Variants in PTPRN observed in about 807,000 individuals in gnomAD.
PTPRN encodes the protein protein tyrosine phosphatase receptor type N.
Under a neutral mutation model 108.5 loss-of-function variants are expected in PTPRN, and 70 were observed. The ratio of observed to expected loss-of-function variants is 0.65; its 90% CI spans 0.53 to 0.79. The LOEUF (loss-of-function observed/expected upper bound fraction) is 0.79, where lower values mean the gene tolerates loss of function less well. Among genes scored for constraint, PTPRN ranks in the 30% least tolerant of loss-of-function variants. The pLI is 0.00. For synonymous variants in PTPRN, 496 were observed against 524.6 expected, an observed-to-expected ratio of 0.95 and a Z score of 0.75; for missense variants, 1,136 against 1,295.5, an observed-to-expected ratio of 0.88 and a Z score of 1.89.
Position 219,308,268 on chromosome 2 carries a change from GC to G in PTPRN, c.116-427del, listed in dbSNP as rs1173997401. ...TCGGGGGAAAGAGGGCATGGGTGGG[GC>G]TGGGGAGGGTGTCTCTTAGGCATCT... On this transcript the variant is annotated intron_variant, in intron 1 of 22. Coordinates refer to ENST00000295718, the MANE Select transcript of PTPRN (RefSeq NM_002846.4). 3 of 187,764 alleles carry G rather than the reference GC, an allele frequency of 1.6e-5. No individual in the cohort carries two copies. In the South Asian group the frequency reaches 3.0e-4, roughly 19 times the overall value. 11.6% of individuals were successfully genotyped at this position (187,764 alleles called of 1,614,324 possible).
intron 1 of PTPRN, 45 bp from the exon 2 acceptor site, chr2:219,307,887 A>C: frequency 6.3e-7 from 1 of 1,581,962 alleles, no homozygotes; most frequent in Non-Finnish European, 8.7e-7. Flanking sequence ...CCACTCACAG[A>C]GAATGGGCAG....
At chr2:219,306,522 C>T (rs1952487739) in intron 3 of PTPRN, among the ~76,000 whole-genome samples, 1 of 152,214 alleles carries the variant, frequency 6.6e-6, no homozygotes, top group South Asian at 2.1e-4. Flanking sequence ...TGATGCTTGT[C>T]AAGTGTAAGT....
In PTPRN at chr2:219,296,205, T is replaced by G. The variant is rs543480252; in HGVS notation, c.2508+21A>C. On this transcript the variant is annotated intron_variant, in intron 18 of 22. Coordinates refer to ENST00000295718, the MANE Select transcript of PTPRN (RefSeq NM_002846.4). This position sits in a 1 kb window ranked among gnomAD's most constrained non-coding sequence, Gnocchi z 6.0. ...TACTCTTCCCACATCCATTGTCCCC[T>G]TGCTGTGGGGCCCTGCTGACCTCAT... 6.2e-7 allele frequency: 1 copy of G among 1,613,688 alleles called. No individual in the cohort carries two copies. The highest frequency in any genetic ancestry group is 2.2e-5 in the East Asian group (1 of 44,868).
intron 18 of PTPRN, chr2:219,295,922 G>T (rs6436132): frequency 0.31 from 87,694 of 282,370 alleles, 17,745 homozygotes; most frequent in African/African-American, 0.57. Context: ...TTTATAGTTT[G>T]ATCTCTGTGC....
Position 219,296,774 on chromosome 2 carries a change from C to A in PTPRN, c.2285G>T (p.Ser762Ile). 6.2e-7 allele frequency: 1 copy of A among 1,614,038 alleles called. No individual in the cohort carries two copies. The highest frequency in any genetic ancestry group is 1.1e-5 in the South Asian group (1 of 91,072). ...KLKVESSPSR[S>I]DYINASPIIE... ...AATGGGGCTGGCGTTGATGTAATCGCTCCGAGAAGGGCTGCTCTCCACCTT... is the reference window on the plus strand; with the variant it reads ...AATGGGGCTGGCGTTGATGTAATCGATCCGAGAAGGGCTGCTCTCCACCTT... The change falls in exon 16 of 23, where the codon AGC becomes ATC. Residue 762 changes from serine (S) to isoleucine (I), a missense_variant. Coordinates refer to ENST00000295718, the MANE Select transcript of PTPRN (RefSeq NM_002846.4). This position sits in a 1 kb window ranked among gnomAD's most constrained non-coding sequence, Gnocchi z 6.0.
chr2:219,302,379 C>A lies in PTPRN; in HGVS notation c.752G>T (p.Gly251Val). The change falls in exon 6 of 23, where the codon GGC becomes GTC. Residue 251 changes from glycine to valine, a missense_variant. By Grantham distance (109) the Gly-to-Val change is moderately radical. Transcript: ENST00000295718. ...PALFSRTASK[G>V]IFGDHPGHSY... ...GTGGCCAGGGTGGTCCCCAAATATGCCCTTGGAGGCAGTTCTGCTGAAGAG... is the reference window on the plus strand; with the variant it reads ...GTGGCCAGGGTGGTCCCCAAATATGACCTTGGAGGCAGTTCTGCTGAAGAG... 2 of 1,613,974 alleles carry A rather than the reference C, an allele frequency of 1.2e-6. No individual in the cohort carries two copies. The highest frequency in any genetic ancestry group is 8.5e-7 in the Non-Finnish European group (1 of 1,179,898).
At position 219,309,390 on chromosome 2, in the gene PTPRN, C is replaced by T. The variant is rs1952572023; in HGVS notation, c.-58G>A. On this transcript the variant is annotated 5_prime_UTR_variant, in exon 1 of 23. Transcript: ENST00000295718. The stretch of plus-strand genomic sequence containing the variant: ...GGAGCCGCAGCGACGCTGGCGGGAG[C>T]CTGCCAGAGGGGCTGAGGCGGGGCT... The T allele has an allele frequency of 1.1e-6, 1 of 949,160 alleles. No individual in the cohort carries two copies. Among genetic ancestry groups the T allele is most frequent in the Non-Finnish European group, 1.5e-6 (1 of 678,360 alleles). 58.8% of individuals were successfully genotyped at this position (949,160 alleles called of 1,614,324 possible).
chr2:219,309,369 C>G lies in PTPRN; in HGVS notation c.-37G>C, dbSNP rs1355593327. ...CCGGGCGCTCGCTCCCGGGCCGGAG[C>G]CGCAGCGACGCTGGCGGGAGCCTGC... On this transcript the variant is annotated 5_prime_UTR_variant, in exon 1 of 23. Coordinates refer to ENST00000295718, the MANE Select transcript of PTPRN (RefSeq NM_002846.4). 8.7e-7 allele frequency: 1 copy of G among 1,148,932 alleles called. No individual in the cohort carries two copies. Among genetic ancestry groups the G allele is most frequent in the Non-Finnish European group, 1.2e-6 (1 of 856,024 alleles). 71.2% of individuals were successfully genotyped at this position (1,148,932 alleles called of 1,614,324 possible).
intron 3 of PTPRN, among the ~76,000 whole-genome samples, chr2:219,306,660 G>C (rs1447527798): frequency 6.6e-6 from 1 of 151,992 alleles, no homozygotes; most frequent in East Asian, 1.9e-4. Context: ...TTACCTACCT[G>C]ACCTCACCTT....
At chr2:219,308,922 C>T (rs933634363) in intron 1 of PTPRN, 7 of 1,401,278 alleles carry the variant, frequency 5.0e-6, no homozygotes, top group Middle Eastern at 1.9e-4. Context: ...CCTGTGGTCT[C>T]GCAGCCGGTC....
At position 219,290,025 on chromosome 2, in the gene PTPRN, C is replaced by G. The variant is rs968484807; in HGVS notation, c.*201G>C. 3.3e-6 allele frequency: 2 copies of G among 599,444 alleles called. No individual in the cohort carries two copies. Among genetic ancestry groups the G allele is most frequent in the Non-Finnish European group, 6.0e-6 (2 of 330,808 alleles). The allele number at this position is 599,444 out of a possible 1,614,324, so 37.1% of individuals were successfully genotyped here. On this transcript the variant is annotated 3_prime_UTR_variant, in exon 23 of 23. Transcript: ENST00000295718. This position sits in a 1 kb window ranked among gnomAD's most constrained non-coding sequence, Gnocchi z 4.2. ...GGCTGCAGCACCCCCATGGGATGCC[C>G]TGGGCTCTGGGATGCCCCAGGCTCT...
Position 219,291,517 on chromosome 2 carries a change from C to T in PTPRN, c.2682G>A (p.Val894=). 1 of 1,613,958 alleles carries T rather than the reference C, an allele frequency of 6.2e-7. No individual in the cohort carries two copies. Among genetic ancestry groups the T allele is most frequent in the Non-Finnish European group, 8.5e-7 (1 of 1,179,988 alleles). ...AGGAGCGGCCCCGGTAGCACTTGTT[C>T]ACCTTCCTGCAACAAGAAATGGGTG... ...TRPLLDFRRK[V]NKCYRGRSCP... Residue 894 remains valine (V), a synonymous_variant, in exon 20 of 23, where the codon GTG becomes GTA. Transcript: ENST00000295718.
Position 219,296,453 on chromosome 2 carries a change from C to T in PTPRN, c.2374G>A (p.Ala792Thr), listed in dbSNP as rs1367930737. 1.1e-5 allele frequency: 18 copies of T among 1,614,034 alleles called. No homozygotes were observed. The highest frequency in any genetic ancestry group is 5.0e-5 in the Admixed American group (3 of 60,004). ...TAAGAGCCCACCTGCCAGAAGTCTG[C>T]GATGGTATGGGACAGCGGGCCCTGC... ...ATQGPLSHTI[A>T]DFWQMVWESG... Residue 792 changes from alanine to threonine, a missense_variant, in exon 17 of 23, where the codon GCA becomes ACA. Ala to Thr is a moderately conservative substitution (Grantham distance 58). Coordinates refer to ENST00000295718, the MANE Select transcript of PTPRN (RefSeq NM_002846.4). This position sits in a 1 kb window ranked among gnomAD's most constrained non-coding sequence, Gnocchi z 6.0.
At position 219,294,910 on chromosome 2, in the gene PTPRN, G is replaced by A. The variant is rs1439441531; in HGVS notation, c.2675+65C>T. Reference sequence around the variant, plus strand: ...CCCGACCCGGGGCTCCAGGCCGAGCGGCGGGCGGACCCCGGCTCCGCCCCC... The same window carrying A: ...CCCGACCCGGGGCTCCAGGCCGAGCAGCGGGCGGACCCCGGCTCCGCCCCC... On this transcript the variant is annotated intron_variant, in intron 19 of 22. Transcript: ENST00000295718. 22 of 1,363,420 alleles carry A rather than the reference G, an allele frequency of 1.6e-5. No homozygotes were observed. In the Admixed American group the frequency reaches 3.1e-4, roughly 19 times the overall value. The allele number at this position is 1,363,420 out of a possible 1,614,324, so 84.5% of individuals were successfully genotyped here. A position where few individuals can be genotyped will look rare whatever the true frequency, so the allele number is the denominator to read the frequency against.
chr2:219,301,524 G>C lies in PTPRN; in HGVS notation c.1126+64C>G, dbSNP rs541062996. On this transcript the variant is annotated intron_variant, in intron 7 of 22. Transcript: ENST00000295718. ...TCCAGGCTACTCCAAGTGGTCTCGAGGCAGGGCAAGAGGCCTCCATGGAGC... is the reference window on the plus strand; with the variant it reads ...TCCAGGCTACTCCAAGTGGTCTCGACGCAGGGCAAGAGGCCTCCATGGAGC... 26 of 1,554,256 alleles carry C rather than the reference G, an allele frequency of 1.7e-5. No homozygotes were observed. In the Admixed American group the frequency reaches 4.3e-4, roughly 26 times the overall value.
chr2:219,307,182 T>A (rs1162037783), intron 3 of PTPRN: 5 of 385,452 alleles, frequency 1.3e-5, no homozygotes, highest in African/African-American at 1.0e-4. Flanking sequence ...ACTCAGACAA[T>A]GCCAGTGAGA....
Position 219,303,660 on chromosome 2 carries a change from T to A in PTPRN, c.377+75A>T, listed in dbSNP as rs1345241881. ...GGCCTTGGTGCCCACTTCCTTCCCC[T>A]TCTCTCCATCAATTAGGACAACCAC... On this transcript the variant is annotated intron_variant, in intron 4 of 22. Transcript: ENST00000295718. 5.6e-6 allele frequency: 8 copies of A among 1,422,356 alleles called. No homozygotes were observed. The East Asian group carries it at 1.9e-4, about 33-fold the overall frequency. The allele number at this position is 1,422,356 out of a possible 1,614,324, so 88.1% of individuals were successfully genotyped here. A position where few individuals can be genotyped will look rare whatever the true frequency, so the allele number is the denominator to read the frequency against.
In PTPRN at chr2:219,299,764, C is replaced by T. The variant is rs767355918; in HGVS notation, c.1459G>A (p.Val487Met). The change falls in exon 10 of 23, where the codon GTG (valine) becomes ATG (methionine). Residue 487 changes from valine (V) to methionine (M), a missense_variant. By Grantham distance (21) the Val-to-Met change is conservative. Coordinates refer to ENST00000295718, the MANE Select transcript of PTPRN (RefSeq NM_002846.4). The stretch of plus-strand genomic sequence containing the variant: ...TCAGCCAGGATCTCCAGCAGCTTCA[C>T]TCCTGCAGCCAGGCTCAGGGGCCTG... The part of the protein sequence containing the change: ...DQKPLSLAAG[V>M]KLLEILAEHV... The T allele has an allele frequency of 6.2e-7, 1 of 1,610,528 alleles. No homozygotes were observed. The highest frequency in any genetic ancestry group is 8.5e-7 in the Non-Finnish European group (1 of 1,177,266).
rs143421810 is a variant in PTPRN at position 219,300,245 on chromosome 2, C to T, written c.1176G>A (p.Pro392=). 134 of 1,573,472 alleles carry T rather than the reference C, an allele frequency of 8.5e-5. No homozygotes were observed. The highest frequency in any genetic ancestry group is 5.3e-4 in the Middle Eastern group (3 of 5,656). ...GADIKKTMEG[P]VEGRDTAELP... ...GCTCTGCTGTGTCTCTGCCCTCCAC[C>T]GGCCCCTCCATTGTCTGTTCAGAAG... The change falls in exon 9 of 23, where the codon CCG becomes CCA. Residue 392 remains proline, a synonymous_variant. Coordinates refer to ENST00000295718, the MANE Select transcript of PTPRN (RefSeq NM_002846.4).
Sources: gnomAD v4.1 joint callset for allele counts (sites outside exome capture counted in the v4.1 genomes callset) on GRCh38, gnomAD v4.1.1 for gene constraint, Gnocchi (gnomAD v3.1) non-coding constraint, MANE v1.5 for transcripts, NCBI Gene and HGNC (gene_info 2026-07-23, HGNC 2026-07-21) for gene names.